Variants in GALNT13 observed in about 807,000 individuals in gnomAD.
The protein encoded by GALNT13 is UDP-GalNAc:polypeptide N-acetylgalactosaminyltransferase 13.
GALNT13 carries 28 observed loss-of-function variants against 64.2 expected under a neutral mutation model. The observed-to-expected ratio is 0.44, with a 90% CI of 0.32 to 0.60. The LOEUF (loss-of-function observed/expected upper bound fraction) is 0.60. GALNT13 is among the 20% of genes least tolerant of loss of function. The pLI is 0.05. For missense variants in GALNT13, 577 were observed against 669.8 expected (o/e 0.86, Z 1.53); for synonymous variants, 214 against 224.6 (o/e 0.95, Z 0.42).
At chr2:154,432,873 G>T (rs1309209819) in intron 11 of GALNT13, among the ~76,000 whole-genome samples, 1 of 152,116 alleles carries the variant, frequency 6.6e-6, no homozygotes, top group African/African-American at 2.4e-5. Context: ...CATCTGGGGA[G>T]CCACAGTTCA....
chr2:153,635,396 A>ATG, the GALNT13 span, among the ~76,000 whole-genome samples: 1 of 68,090 alleles, frequency 1.5e-5, no homozygotes, highest in African/African-American at 6.2e-5. Context: ...TACAGTAAAT[A>ATG]TGTATATATA....
the GALNT13 span, among the ~76,000 whole-genome samples, chr2:153,077,025 C>G: frequency 6.6e-6 from 1 of 151,996 alleles, no homozygotes; most frequent in Non-Finnish European, 1.5e-5. Flanking sequence ...GATCTTGGCT[C>G]ACTGCAACCT....
chr2:153,579,493 T>A, the GALNT13 span, among the ~76,000 whole-genome samples: 115 of 152,342 alleles, frequency 7.5e-4, no homozygotes, highest in East Asian at 3.3e-3. Context: ...TTGAATTTTT[T>A]AAATTTTTAA....
the GALNT13 span, among the ~76,000 whole-genome samples, chr2:153,690,993 A>T: frequency 6.6e-6 from 1 of 152,072 alleles, no homozygotes; most frequent in Non-Finnish European, 1.5e-5. Flanking sequence ...TGCCTGAGAA[A>T]ATGGGTAGAC....
At chr2:154,326,301 TA>T (rs1166426831) in intron 9 of GALNT13, among the ~76,000 whole-genome samples, 1 of 149,248 alleles carries the variant, frequency 6.7e-6, no homozygotes, top group Non-Finnish European at 1.5e-5. Context: ...AAAATATGAT[TA>T]CTTTATATAG....
At chr2:153,530,400 G>A in the GALNT13 span, among the ~76,000 whole-genome samples, 1 of 152,028 alleles carries the variant, frequency 6.6e-6, no homozygotes, top group African/African-American at 2.4e-5. Flanking sequence ...GACATTCCAT[G>A]CTCATGGATT....
At chr2:153,448,691 C>G in the GALNT13 span, among the ~76,000 whole-genome samples, 4 of 152,126 alleles carry the variant, frequency 2.6e-5, no homozygotes, top group East Asian at 7.7e-4. Context: ...GCAAGTTAAC[C>G]TATTCTACCT....
At chr2:154,190,121 G>C (rs897960938) in intron 4 of GALNT13, among the ~76,000 whole-genome samples, 4 of 152,236 alleles carry the variant, frequency 2.6e-5, no homozygotes, top group African/African-American at 9.6e-5. Context: ...CTTGCAGCAG[G>C]GTCCATGATG....
chr2:153,701,337 A>G, the GALNT13 span, among the ~76,000 whole-genome samples: 2 of 152,186 alleles, frequency 1.3e-5, no homozygotes, highest in Non-Finnish European at 2.9e-5. Context: ...TTTATACAAA[A>G]TTTAATTCAA....
chr2:153,455,232 G>C, the GALNT13 span, among the ~76,000 whole-genome samples: 1 of 152,120 alleles, frequency 6.6e-6, no homozygotes, highest in African/African-American at 2.4e-5. Context: ...TCAGACCTAA[G>C]AAACAAGGGA....
At chr2:154,216,626 T>A (rs1688056563) in intron 4 of GALNT13, among the ~76,000 whole-genome samples, 1 of 152,086 alleles carries the variant, frequency 6.6e-6, no homozygotes, top group Admixed American at 6.6e-5. Context: ...TTTACTTTTC[T>A]TTGTTCTTAA....
intron 9 of GALNT13, among the ~76,000 whole-genome samples, chr2:154,363,035 A>C (rs1697164183): frequency 6.6e-6 from 1 of 152,230 alleles, no homozygotes; most frequent in African/African-American, 2.4e-5. Context: ...ACTTTAACCC[A>C]GAAATACTTT....
chr2:153,785,401 C>T, the GALNT13 span, among the ~76,000 whole-genome samples: 1 of 152,184 alleles, frequency 6.6e-6, no homozygotes, highest in Admixed American at 6.5e-5. Context: ...TTTGCTGTTT[C>T]GTAGCCATCA....
chr2:154,409,215 C>A (rs1325453972), intron 11 of GALNT13, 133 bp downstream of exon 11: 3 of 694,444 alleles, frequency 4.3e-6, no homozygotes, highest in South Asian at 1.6e-5. Flanking sequence ...AAATCTAGAA[C>A]TAATTTGGCT....
intron 3 of GALNT13, among the ~76,000 whole-genome samples, chr2:153,977,944 A>G (rs957837880): frequency 6.6e-6 from 1 of 152,154 alleles, no homozygotes; most frequent in African/African-American, 2.4e-5. Flanking sequence ...GAATTATTGC[A>G]TTAAAAAAAA....
the GALNT13 span, among the ~76,000 whole-genome samples, chr2:153,090,243 A>T: frequency 3.3e-5 from 5 of 152,186 alleles, no homozygotes; most frequent in African/African-American, 1.2e-4. Flanking sequence ...ACCACCCAGC[A>T]GGGCAAGATG....
At position 154,076,784 on chromosome 2, in the gene GALNT13, T is replaced by G. The variant is rs113649092; in HGVS notation, c.143-63553T>G. 2.1e-4 allele frequency among the ~76,000 whole-genome samples: 32 copies of G among 151,742 alleles called. 1 individual carries two copies. Among genetic ancestry groups the G allele is most frequent in the African/African-American group, 7.7e-4 (32 of 41,502 alleles). On this transcript the variant is annotated intron_variant, in intron 3 of 12. Coordinates refer to ENST00000392825, the MANE Select transcript of GALNT13 (RefSeq NM_052917.4). ...AAACATTATACTATTGGGTAGTAAT[T>G]AAGGGTTTTGGCAAGCTTGTTTAAG...
At chr2:153,401,538 C>T in the GALNT13 span, among the ~76,000 whole-genome samples, 2 of 148,570 alleles carry the variant, frequency 1.3e-5, no homozygotes, top group Non-Finnish European at 3.0e-5. Flanking sequence ...TTAAAGTCTC[C>T]CATTATTAAT....
intron 3 of GALNT13, among the ~76,000 whole-genome samples, chr2:153,960,738 T>C (rs893929409): frequency 2.0e-5 from 3 of 152,178 alleles, no homozygotes; most frequent in African/African-American, 7.2e-5. Context: ...TTCAGTCTGG[T>C]CCGGTGTCCG....
Sources: gnomAD v4.1 joint callset for allele counts (sites outside exome capture counted in the v4.1 genomes callset) on GRCh38, gnomAD v4.1.1 for gene constraint, MANE v1.5 for transcripts, NCBI Gene and HGNC (gene_info 2026-07-23, HGNC 2026-07-21) for gene names.